ROBO2: variants seen among roughly 807,000 people sequenced by gnomAD.
ROBO2 encodes the protein roundabout guidance receptor 2.
Under a neutral mutation model 160.8 loss-of-function variants are expected in ROBO2, and 53 were observed. The ratio of observed to expected loss-of-function variants is 0.33; its 90% CI spans 0.26 to 0.41. The LOEUF (loss-of-function observed/expected upper bound fraction) is 0.41. Among genes scored for constraint, ROBO2 ranks in the 10% least tolerant of loss-of-function variants. ROBO2 has a pLI of 1.00. For synonymous variants in ROBO2, 664 were observed against 611.7 expected, an observed-to-expected ratio of 1.09 and a Z score of -1.26; for missense variants, 1,577 against 1,722.4, an observed-to-expected ratio of 0.92 and a Z score of 1.49.
chr3:77,231,125 G>A (rs937414839), intron 2 of ROBO2, among the ~76,000 whole-genome samples: 2 of 151,994 alleles, frequency 1.3e-5, no homozygotes, highest in Admixed American at 1.3e-4. Context: ...AGCACTTTGG[G>A]AGGCCGAGGT....
chr3:77,319,514 T>G (rs1378597160), intron 2 of ROBO2, among the ~76,000 whole-genome samples: 1 of 152,184 alleles, frequency 6.6e-6, no homozygotes, highest in Non-Finnish European at 1.5e-5. Context: ...TGTCTGGTCA[T>G]TAGAATTTGT....
chr3:77,488,103 T>C (rs371755822), intron 4 of ROBO2, among the ~76,000 whole-genome samples: 5 of 152,186 alleles, frequency 3.3e-5, no homozygotes, highest in African/African-American at 7.2e-5. Context: ...GATTTTATTA[T>C]AGCTGTATAT....
intron 8 of ROBO2, among the ~76,000 whole-genome samples, chr3:77,553,649 G>T (rs1275240813): frequency 6.6e-6 from 1 of 151,938 alleles, no homozygotes; most frequent in Non-Finnish European, 1.5e-5. Context: ...GCCTATTGCT[G>T]ATATGAAGAA....
intron 2 of ROBO2, among the ~76,000 whole-genome samples, chr3:76,280,831 C>G (rs1445607773): frequency 1.3e-5 from 2 of 152,062 alleles, no homozygotes; most frequent in Middle Eastern, 3.4e-3. Context: ...AAAATTCCAT[C>G]AAGTAAGTGC....
At chr3:77,144,931 A>G (rs79222358) in intron 2 of ROBO2, among the ~76,000 whole-genome samples, 11,316 of 152,142 alleles carry the variant, frequency 0.074, 985 homozygotes, top group East Asian at 0.21. Flanking sequence ...TACTTCTCTC[A>G]TCATTTTTTT....
chr3:76,785,223 A>G (rs2062896697), intron 2 of ROBO2, among the ~76,000 whole-genome samples: 1 of 151,214 alleles, frequency 6.6e-6, no homozygotes, highest in South Asian at 2.1e-4. Flanking sequence ...CATTACTTTC[A>G]TCTCAACAGG....
intron 2 of ROBO2, among the ~76,000 whole-genome samples, chr3:75,941,151 T>C (rs2107071082): frequency 6.6e-6 from 1 of 152,300 alleles, no homozygotes; most frequent in Admixed American, 6.5e-5. Flanking sequence ...AGGCTGGGTC[T>C]TGCTATGTTG....
At chr3:77,449,026 G>A (rs2080861309) in intron 2 of ROBO2, among the ~76,000 whole-genome samples, 1 of 151,972 alleles carries the variant, frequency 6.6e-6, no homozygotes, top group African/African-American at 2.4e-5. Flanking sequence ...TTTAAGTTTT[G>A]TAGAACTACT....
intron 1 of ROBO2, among the ~76,000 whole-genome samples, chr3:77,080,043 T>C (rs1033512048): frequency 3.3e-5 from 5 of 152,254 alleles, no homozygotes; most frequent in African/African-American, 1.2e-4. Context: ...ATAGATTGAA[T>C]TGTAAAGCTC....
intron 2 of ROBO2, among the ~76,000 whole-genome samples, chr3:76,815,507 C>T (rs2065589176): frequency 6.6e-6 from 1 of 151,594 alleles, no homozygotes; most frequent in African/African-American, 2.4e-5. Flanking sequence ...AATATTGTAC[C>T]CAGCGTAGGA....
At chr3:76,519,234 A>G (rs1373471944) in intron 2 of ROBO2, among the ~76,000 whole-genome samples, 1 of 152,230 alleles carries the variant, frequency 6.6e-6, no homozygotes, top group African/African-American at 2.4e-5. Context: ...CAGAAGTTCA[A>G]CATTTCTGTG....
rs71492534 is a variant in ROBO2 at position 76,746,283 on chromosome 3, G to A, written c.110-351731G>A. Among the ~76,000 whole-genome samples, 1,461 of 151,656 alleles carry A rather than the reference G, an allele frequency of 9.6e-3. 18 individuals are homozygous for A. The highest frequency in any genetic ancestry group is 0.032 in the African/African-American group (1,326 of 41,288). On this transcript the variant is annotated intron_variant, in intron 2 of 26. Transcript: ENST00000487694. The stretch of plus-strand genomic sequence containing the variant: ...AGTCTTTGCTATCGTGAATAGTGCC[G>A]CAATAAACATACGTGTGCGTGTGTC...
At chr3:76,929,062 C>T (rs1165440001) in intron 2 of ROBO2, among the ~76,000 whole-genome samples, 1 of 152,088 alleles carries the variant, frequency 6.6e-6, no homozygotes, top group Non-Finnish European at 1.5e-5. Flanking sequence ...GAGTTTGAGA[C>T]CAGCCTGGCC....
At chr3:75,935,745 CCTCTT>C (rs1454757110) in intron 1 of ROBO2, among the ~76,000 whole-genome samples, 2 of 151,862 alleles carry the variant, frequency 1.3e-5, no homozygotes, top group African/African-American at 4.8e-5. Flanking sequence ...TCTTTTTTTC[CCTCTT>C]CTCAGCATCA....
chr3:77,585,894 T>C (rs1443737126), intron 16 of ROBO2, among the ~76,000 whole-genome samples: 2 of 152,106 alleles, frequency 1.3e-5, no homozygotes, highest in Admixed American at 1.3e-4. Context: ...GCACTTGAAG[T>C]GACTCAAACT....
intron 2 of ROBO2, among the ~76,000 whole-genome samples, chr3:77,467,752 T>TA (rs202064794): frequency 0.13 from 17,979 of 142,266 alleles, 1,108 homozygotes; most frequent in South Asian, 0.2. Flanking sequence ...AGCACTAATA[T>TA]AAAAAAAAAA....
At chr3:77,022,518 T>C (rs2062702278) in intron 2 of ROBO2, among the ~76,000 whole-genome samples, 1 of 152,242 alleles carries the variant, frequency 6.6e-6, no homozygotes, top group Non-Finnish European at 1.5e-5. Context: ...GTATGCTTTC[T>C]GTCCAGTCAG....
chr3:77,345,972 G>T (rs1411244919), intron 2 of ROBO2, among the ~76,000 whole-genome samples: 2 of 152,076 alleles, frequency 1.3e-5, no homozygotes, highest in African/African-American at 4.8e-5. Context: ...CATAATATTG[G>T]TTGGTTCTTT....
At chr3:76,434,763 T>C (rs2076591750) in intron 2 of ROBO2, 1 of 1,213,176 alleles carries the variant, frequency 8.2e-7, no homozygotes, top group Admixed American at 1.7e-5. Context: ...CGCTTCCTGC[T>C]CAGCCCTGTT....
Sources: gnomAD v4.1 joint callset for allele counts (sites outside exome capture counted in the v4.1 genomes callset) on GRCh38, gnomAD v4.1.1 for gene constraint, MANE v1.5 for transcripts, NCBI Gene and HGNC (gene_info 2026-07-23, HGNC 2026-07-21) for gene names.